Variants in LSAMP observed in about 807,000 individuals in gnomAD.
LSAMP encodes limbic system associated membrane protein, also known as limbic system-associated membrane protein.
Under a neutral mutation model 38.6 loss-of-function variants are expected in LSAMP, and 7 were observed. That is an observed-to-expected ratio of 0.18 (90% CI 0.10 to 0.34). The LOEUF is 0.34. Ranked by LOEUF, LSAMP falls within the 10% of genes least tolerant of loss-of-function variation. The pLI is 1.00. For missense variants in LSAMP, 313 were observed against 420.0 expected (o/e 0.75, Z 2.23); for synonymous variants, 154 against 166.8 (o/e 0.92, Z 0.59).
intron 3 of LSAMP, among the ~76,000 whole-genome samples, chr3:115,923,208 T>C (rs1211483376): frequency 1.3e-5 from 2 of 152,156 alleles, no homozygotes; most frequent in African/African-American, 2.4e-5. Flanking sequence ...CAGAAACCAA[T>C]CATTTGGGCA....
chr3:116,081,235 G>C (rs990674155), intron 2 of LSAMP, among the ~76,000 whole-genome samples: 1 of 152,058 alleles, frequency 6.6e-6, no homozygotes, highest in African/African-American at 2.4e-5. Flanking sequence ...AGGCTGAGGC[G>C]GGTGGATCAC....
chr3:116,350,596 A>G (rs2048124566), intron 1 of LSAMP, among the ~76,000 whole-genome samples: 1 of 150,224 alleles, frequency 6.7e-6, no homozygotes, highest in African/African-American at 2.5e-5. Flanking sequence ...ATCAACTAAC[A>G]TGGTATCACA....
At chr3:116,174,888 T>A (rs945821349) in intron 1 of LSAMP, among the ~76,000 whole-genome samples, 1 of 152,190 alleles carries the variant, frequency 6.6e-6, no homozygotes, top group Admixed American at 6.6e-5. Flanking sequence ...CCTGGCTATA[T>A]GTGTGACCCT....
chr3:116,340,675 C>T (rs1158136898), intron 1 of LSAMP, among the ~76,000 whole-genome samples: 1 of 151,956 alleles, frequency 6.6e-6, no homozygotes, highest in Non-Finnish European at 1.5e-5. Context: ...ACCATGGCTT[C>T]TATCTACATA....
intron 3 of LSAMP, among the ~76,000 whole-genome samples, chr3:115,921,428 A>T (rs1395397906): frequency 4.6e-5 from 7 of 152,108 alleles, no homozygotes; most frequent in Non-Finnish European, 1.0e-4. Context: ...TATTGCATAC[A>T]AATTCTCCAT....
At chr3:116,372,231 A>G (rs1027476658) in intron 1 of LSAMP, among the ~76,000 whole-genome samples, 1 of 152,066 alleles carries the variant, frequency 6.6e-6, no homozygotes, top group African/African-American at 2.4e-5. Flanking sequence ...ATATAGGCCA[A>G]TGGAATAAAA....
At chr3:116,063,740 AAAT>A (rs2107361415) in intron 2 of LSAMP, among the ~76,000 whole-genome samples, 2 of 152,294 alleles carry the variant, frequency 1.3e-5, no homozygotes, top group South Asian at 4.1e-4. Context: ...AAACATTTTA[AAAT>A]AATGACAGTT....
chr3:116,193,698 A>C (rs1710809302), intron 1 of LSAMP, among the ~76,000 whole-genome samples: 1 of 152,180 alleles, frequency 6.6e-6, no homozygotes, highest in Admixed American at 6.5e-5. Context: ...GCTGGAGAAG[A>C]CCAGAAATCC....
In LSAMP at chr3:116,219,528, C is replaced by T. The variant is rs572409364; in HGVS notation, c.156-132972G>A. On this transcript the variant is annotated intron_variant, in intron 1 of 6. Transcript: ENST00000490035. ...CATTTTTAATTTTTTGAATTACCTCCGTACTGGTTTTCATAGTGGCTACAC... is the reference window on the plus strand; with the variant it reads ...CATTTTTAATTTTTTGAATTACCTCTGTACTGGTTTTCATAGTGGCTACAC... Among the ~76,000 whole-genome samples, 6 of 152,184 alleles carry T rather than the reference C, an allele frequency of 3.9e-5. No homozygotes were observed. In the East Asian group the frequency reaches 5.8e-4, roughly 15 times the overall value.
intron 2 of LSAMP, among the ~76,000 whole-genome samples, chr3:116,073,090 T>A (rs9833365): frequency 6.6e-6 from 1 of 151,896 alleles, no homozygotes; most frequent in East Asian, 1.9e-4. Context: ...TTTATAAACT[T>A]TAAGGAAGTG....
intron 1 of LSAMP, among the ~76,000 whole-genome samples, chr3:116,434,671 G>A (rs1461766655): frequency 6.6e-6 from 1 of 152,026 alleles, no homozygotes; most frequent in African/African-American, 2.4e-5. Context: ...TCCTGCCTCG[G>A]CCTCTGAGTA....
At chr3:116,251,327 A>AT (rs200830232) in intron 1 of LSAMP, among the ~76,000 whole-genome samples, 1,751 of 152,144 alleles carry the variant, frequency 0.012, 21 homozygotes, top group Non-Finnish European at 0.018. Flanking sequence ...TTTGGTGTTG[A>AT]TTTTTTTTGA....
At chr3:115,834,661 A>C (rs1036784488) in intron 6 of LSAMP, 1 of 806,486 alleles carries the variant, frequency 1.2e-6, no homozygotes, top group African/African-American at 1.9e-5. Context: ...TATCTTTCTC[A>C]TGTTTAGTTA....
intron 1 of LSAMP, among the ~76,000 whole-genome samples, chr3:116,269,023 T>G (rs909318793): frequency 1.3e-5 from 2 of 151,998 alleles, no homozygotes; most frequent in Non-Finnish European, 2.9e-5. Context: ...AGCCCTTCTG[T>G]TGGGTGGTCC....
intron 6 of LSAMP, among the ~76,000 whole-genome samples, chr3:115,812,387 A>G (rs561001440): frequency 6.6e-6 from 1 of 152,302 alleles, no homozygotes; most frequent in East Asian, 1.9e-4. Context: ...TGTATCTTGC[A>G]TGAAAGCACC....
intron 1 of LSAMP, among the ~76,000 whole-genome samples, chr3:116,262,480 A>G (rs2046837139): frequency 6.6e-6 from 1 of 152,082 alleles, no homozygotes; most frequent in Non-Finnish European, 1.5e-5. Context: ...TTTTCTGTTG[A>G]TATTTTGTCC....
intron 3 of LSAMP, among the ~76,000 whole-genome samples, chr3:115,916,045 T>C (rs1285148223): frequency 6.6e-6 from 1 of 151,740 alleles, no homozygotes; most frequent in African/African-American, 2.4e-5. Context: ...ATGAGTGAGA[T>C]TTTTTTTTAC....
At chr3:116,436,122 T>A (rs1241622134) in intron 1 of LSAMP, among the ~76,000 whole-genome samples, 3 of 152,206 alleles carry the variant, frequency 2.0e-5, no homozygotes, top group Non-Finnish European at 4.4e-5. Context: ...AAGGACACCC[T>A]TTTCAGCAAA....
chr3:115,955,225 C>T (rs1938418934), intron 3 of LSAMP, among the ~76,000 whole-genome samples: 1 of 152,104 alleles, frequency 6.6e-6, no homozygotes, highest in South Asian at 2.1e-4. Flanking sequence ...TGAGCCACCG[C>T]GCCTGGCCAT....
Sources: gnomAD v4.1 joint callset for allele counts (sites outside exome capture counted in the v4.1 genomes callset) on GRCh38, gnomAD v4.1.1 for gene constraint, MANE v1.5 for transcripts, NCBI Gene and HGNC (gene_info 2026-07-23, HGNC 2026-07-21) for gene names.